The following MMP15 variants were observed in gnomAD, a reference collection of about 807,000 sequenced individuals.
The protein encoded by MMP15 is matrix metalloproteinase-15.
Under a neutral mutation model 65.0 loss-of-function variants are expected in MMP15, and 36 were observed. The ratio of observed to expected loss-of-function variants is 0.55; its 90% CI spans 0.42 to 0.73. MMP15 has a LOEUF of 0.73. MMP15 is among the 30% of genes least tolerant of loss of function. The pLI, the probability that MMP15 is intolerant of heterozygous loss-of-function variation, is 0.00. For missense variants in MMP15, 870 were observed against 987.8 expected (o/e 0.88, Z 1.60); for synonymous variants, 428 against 410.2 (o/e 1.04, Z -0.52).
At chr16:58,040,392 G>C in intron 4 of MMP15, 145 bp from the exon 5 acceptor site, 2 of 1,122,274 alleles carry the variant, frequency 1.8e-6, no homozygotes, top group Non-Finnish European at 2.5e-6. Context: ...CTCAGATGGG[G>C]TTGTTGTAGG....
chr16:58,026,807 G>C (rs1160848949), intron 1 of MMP15, among the ~76,000 whole-genome samples: 2 of 152,212 alleles, frequency 1.3e-5, no homozygotes, highest in Admixed American at 1.3e-4. Flanking sequence ...TGTGTCCCGG[G>C]AGCCGCTTCC....
intron 9 of MMP15, 85 bp downstream of exon 9, chr16:58,043,712 C>A: frequency 1.0e-6 from 1 of 996,160 alleles, no homozygotes; most frequent in Non-Finnish European, 1.5e-6. Context: ...CCAAGGTCAC[C>A]CGGCACTGTG....
chr16:58,035,754 G>A (rs972900556), intron 1 of MMP15, among the ~76,000 whole-genome samples: 6 of 152,166 alleles, frequency 3.9e-5, no homozygotes, highest in African/African-American at 7.2e-5. Flanking sequence ...ATTGCTCTGG[G>A]GCTGTTTCCC....
intron 2 of MMP15, 135 bp downstream of exon 2, chr16:58,037,755 T>C: frequency 7.7e-7 from 1 of 1,295,910 alleles, no homozygotes; most frequent in Non-Finnish European, 1.1e-6. Flanking sequence ...GTCCTCCATG[T>C]CACTTCTGAT....
intron 1 of MMP15, among the ~76,000 whole-genome samples, chr16:58,032,512 G>A (rs1048355655): frequency 1.3e-5 from 2 of 152,244 alleles, no homozygotes; most frequent in African/African-American, 4.8e-5. Flanking sequence ...GAGGCCTGGC[G>A]GGTGGCTGGG....
chr16:58,034,506 G>A (rs982062129), intron 1 of MMP15, among the ~76,000 whole-genome samples: 1 of 152,144 alleles, frequency 6.6e-6, no homozygotes, highest in Admixed American at 6.5e-5. Flanking sequence ...GCTGCCACCC[G>A]GGCAGATTTT....
intron 1 of MMP15, among the ~76,000 whole-genome samples, chr16:58,027,028 G>C (rs965746197): frequency 1.3e-5 from 2 of 152,234 alleles, no homozygotes; most frequent in Non-Finnish European, 2.9e-5. Flanking sequence ...CGCACGGCGG[G>C]CCAGGATGGA....
At chr16:58,034,602 A>G (rs1220580916) in intron 1 of MMP15, among the ~76,000 whole-genome samples, 1 of 152,090 alleles carries the variant, frequency 6.6e-6, no homozygotes, top group African/African-American at 2.4e-5. Flanking sequence ...CAGAGGTTTG[A>G]GTGGTCTGCG....
At chr16:58,043,481 T>C (rs201803014) in intron 8 of MMP15, 31 bp from the exon 9 acceptor site, 2 of 1,609,694 alleles carry the variant, frequency 1.2e-6, no homozygotes, top group East Asian at 4.5e-5. Flanking sequence ...GCAGGATCTC[T>C]AGGTCCACAG....
intron 3 of MMP15, among the ~76,000 whole-genome samples, chr16:58,039,124 T>C (rs923103776): frequency 5.9e-5 from 9 of 152,204 alleles, no homozygotes; most frequent in African/African-American, 2.2e-4. Flanking sequence ...CACACTCTTT[T>C]CTAACTTAAC....
intron 6 of MMP15, 80 bp from the exon 7 acceptor site, chr16:58,042,151 G>A: frequency 6.5e-7 from 1 of 1,532,848 alleles, no homozygotes; most frequent in Non-Finnish European, 8.8e-7. Context: ...CCTCACCTGG[G>A]AAGGGGTGGT....
Position 58,037,518 on chromosome 16 carries a change from T to G in MMP15, c.209T>G (p.Met70Arg). Residue 70 changes from methionine to arginine, a missense_variant, in exon 2 of 10, where the codon ATG (methionine) becomes AGG (arginine). Coordinates refer to ENST00000219271, the MANE Select transcript of MMP15 (RefSeq NM_002428.4). ...TACCTGCCTCAGCCCAGCCGCCATA[T>G]GTCCACCATGCGTTCCGCCCAGATC... Reference protein sequence around the residue: ...YGYLPQPSRHMSTMRSAQILA... With the variant: ...YGYLPQPSRHRSTMRSAQILA... 1 of 1,614,142 alleles carries G rather than the reference T, an allele frequency of 6.2e-7. No individual in the cohort carries two copies. Among genetic ancestry groups the G allele is most frequent in the Non-Finnish European group, 8.5e-7 (1 of 1,180,030 alleles).
rs188064904 is a variant in MMP15 at position 58,032,224 on chromosome 16, C to G, written c.163-5248C>G. Among the ~76,000 whole-genome samples, 510 of 152,284 alleles carry G rather than the reference C, an allele frequency of 3.3e-3. 5 individuals carry two copies. The highest frequency in any genetic ancestry group is 0.012 in the African/African-American group (502 of 41,550). On this transcript the variant is annotated intron_variant, in intron 1 of 9. Transcript: ENST00000219271. ...TGCGCCATCGGCGCTCTCAACGCTG[C>G]TTGGTGGGTCGGAGTGATGATCTTG...
At chr16:58,042,130 C>A in intron 6 of MMP15, 101 bp from the exon 7 acceptor site, 2 of 1,457,010 alleles carry the variant, frequency 1.4e-6, no homozygotes, top group Non-Finnish European at 1.9e-6. Context: ...GTGTCCTCCC[C>A]TTGGGCCCAC....
chr16:58,034,982 G>T (rs1483590229), intron 1 of MMP15, among the ~76,000 whole-genome samples: 1 of 150,664 alleles, frequency 6.6e-6, no homozygotes. Context: ...GCCCCTCCAT[G>T]GCCCATGATT....
intron 1 of MMP15, among the ~76,000 whole-genome samples, chr16:58,034,758 G>A (rs1041264961): frequency 9.2e-5 from 14 of 152,272 alleles, no homozygotes; most frequent in African/African-American, 3.1e-4. Context: ...TGACTTCCCT[G>A]GAACTCAATA....
chr16:58,042,712 G>C (rs1959481662), intron 7 of MMP15, among the ~76,000 whole-genome samples: 1 of 152,244 alleles, frequency 6.6e-6, no homozygotes. Context: ...TCTGTGGTCT[G>C]TCTGCAGAGA....
chr16:58,031,649 C>T (rs889126574), intron 1 of MMP15, among the ~76,000 whole-genome samples: 3 of 152,038 alleles, frequency 2.0e-5, no homozygotes, highest in Admixed American at 6.6e-5. Flanking sequence ...GACCTCAAGA[C>T]GTCTTCCTCC....
Position 58,038,356 on chromosome 16 carries a change from C to T in MMP15, c.402C>T (p.Leu134=). The T allele has an allele frequency of 6.2e-7, 1 of 1,614,088 alleles. No individual in the cohort carries two copies. Among genetic ancestry groups the T allele is most frequent in the Non-Finnish European group, 8.5e-7 (1 of 1,180,012 alleles). Residue 134 remains leucine, a synonymous_variant, in exon 3 of 10, where the codon CTC becomes CTT. Transcript: ENST00000219271. The stretch of plus-strand genomic sequence containing the variant: ...GGCGGCGTCGGAAGCGCTACGCCCT[C>T]ACCGGGAGGAAGTGGAACAACCACC... ...NLRRRRKRYA[L]TGRKWNNHHL...
Sources: gnomAD v4.1 joint callset for allele counts (sites outside exome capture counted in the v4.1 genomes callset) on GRCh38, gnomAD v4.1.1 for gene constraint, MANE v1.5 for transcripts, NCBI Gene and HGNC (gene_info 2026-07-23, HGNC 2026-07-21) for gene names.